MYO16: variants seen among roughly 807,000 people sequenced by gnomAD.
MYO16 encodes the protein myosin XVI, also known as unconventional myosin-XVI.
MYO16 carries 94 observed loss-of-function variants against 205.3 expected under a neutral mutation model. The observed-to-expected ratio is 0.46, with a 90% CI of 0.39 to 0.54. The LOEUF is 0.54. MYO16 is among the 20% of genes least tolerant of loss of function. The pLI, the probability that MYO16 is intolerant of heterozygous loss-of-function variation, is 0.00. For synonymous variants in MYO16, 988 were observed against 954.0 expected (o/e 1.04, Z -0.66); for missense variants, 2,315 against 2,387.5 (o/e 0.97, Z 0.63).
intron 27 of MYO16, among the ~76,000 whole-genome samples, chr13:109,085,868 A>G (rs1888423239): frequency 6.6e-6 from 1 of 152,186 alleles, no homozygotes; most frequent in Non-Finnish European, 1.5e-5. Flanking sequence ...AGATCCATAC[A>G]CTATGGAAAC....
the MYO16 span, among the ~76,000 whole-genome samples, chr13:108,498,602 T>G: frequency 6.1e-3 from 932 of 152,278 alleles, 3 homozygotes; most frequent in African/African-American, 0.02. Flanking sequence ...AGAGTGAGCA[T>G]GTGAAGAGAT....
At chr13:108,524,850 T>G in the MYO16 span, among the ~76,000 whole-genome samples, 13 of 152,212 alleles carry the variant, frequency 8.5e-5, no homozygotes, top group African/African-American at 3.1e-4. Context: ...AATTTGGATA[T>G]GCAGGTTTGT....
At chr13:108,902,729 C>T (rs1337013398) in intron 15 of MYO16, among the ~76,000 whole-genome samples, 1 of 152,152 alleles carries the variant, frequency 6.6e-6, no homozygotes, top group Non-Finnish European at 1.5e-5. Flanking sequence ...TGTGCCTCTT[C>T]TCTTCTCCAA....
chr13:108,593,348 A>G (rs1451103645), upstream of MYO16, among the ~76,000 whole-genome samples: 1 of 152,128 alleles, frequency 6.6e-6, no homozygotes, highest in Admixed American at 6.5e-5. Flanking sequence ...GAGTTGGGTC[A>G]ATCCAACAGA....
chr13:108,588,744 T>A, the MYO16 span, among the ~76,000 whole-genome samples: 1 of 152,178 alleles, frequency 6.6e-6, no homozygotes, highest in Non-Finnish European at 1.5e-5. Context: ...ACATACACTG[T>A]TAGTGAGAGG....
At chr13:108,808,318 C>T (rs1462355099) in intron 7 of MYO16, among the ~76,000 whole-genome samples, 1 of 149,496 alleles carries the variant, frequency 6.7e-6, no homozygotes, top group African/African-American at 2.5e-5. Context: ...TTTTAATGAA[C>T]CTTCTTTTTT....
intron 28 of MYO16, among the ~76,000 whole-genome samples, chr13:109,118,745 C>T (rs545162370): frequency 6.6e-6 from 1 of 152,126 alleles, no homozygotes; most frequent in South Asian, 2.1e-4. Flanking sequence ...AACTGTTCTT[C>T]CTGTCGACTG....
rs1029503042 is a variant in MYO16, at chr13:109,050,050, C to T, written c.2873-2250C>T. Among the ~76,000 whole-genome samples, 7 of 151,326 alleles carry T rather than the reference C, an allele frequency of 4.6e-5. No individual in the cohort carries two copies. In the East Asian group the frequency reaches 1.2e-3, roughly 25 times the overall value. On this transcript the variant is annotated intron_variant, in intron 24 of 34. Transcript: ENST00000457511. Reference sequence around the variant, plus strand: ...AAATAGTTTGGTGCCCACCCTGAGACGGGACATTATCTTACATAACTTCAG... The same window carrying T: ...AAATAGTTTGGTGCCCACCCTGAGATGGGACATTATCTTACATAACTTCAG...
chr13:108,760,754 A>G (rs1477616286), intron 4 of MYO16, among the ~76,000 whole-genome samples: 1 of 152,172 alleles, frequency 6.6e-6, no homozygotes, highest in Non-Finnish European at 1.5e-5. Flanking sequence ...GGGGAAGAGG[A>G]AGGAGGAGGT....
At chr13:108,986,112 T>G (rs1884623379) in intron 20 of MYO16, among the ~76,000 whole-genome samples, 1 of 152,120 alleles carries the variant, frequency 6.6e-6, no homozygotes, top group South Asian at 2.1e-4. Context: ...CTCGTGAGAC[T>G]TATTCACTAT....
chr13:108,813,962 T>A (rs1051042774), intron 7 of MYO16, among the ~76,000 whole-genome samples: 1 of 152,178 alleles, frequency 6.6e-6, no homozygotes, highest in Admixed American at 6.5e-5. Context: ...ATAGGAAATA[T>A]TGACTTTACG....
rs762863886 is a variant in MYO16 at position 108,866,279 on chromosome 13, G to A, written c.1425+37G>A. The A allele has an allele frequency of 6.7e-6, 9 of 1,352,958 alleles. No homozygotes were observed. In the Admixed American group the frequency reaches 1.5e-4, roughly 22 times the overall value. The allele number at this position is 1,352,958 out of a possible 1,614,324, so 83.8% of individuals were successfully genotyped here. A position where few individuals can be genotyped will look rare whatever the true frequency, so the allele number is the denominator to read the frequency against. On this transcript the variant is annotated intron_variant, in intron 12 of 34. Transcript: ENST00000457511. ...ATTTTAAATATCATTGAATAATGTA[G>A]AGTAATACTTTCTAGTCATACATGT...
intron 11 of MYO16, among the ~76,000 whole-genome samples, chr13:108,858,213 G>C (rs184799113): frequency 6.6e-6 from 1 of 152,252 alleles, no homozygotes; most frequent in Non-Finnish European, 1.5e-5. Flanking sequence ...CTATCTGTTG[G>C]AGTTAATAAG....
chr13:108,823,335 A>G (rs1876085564), intron 9 of MYO16, 57 bp downstream of exon 9: 1 of 1,509,572 alleles, frequency 6.6e-7, no homozygotes, highest in Non-Finnish European at 9.0e-7. Flanking sequence ...TGGTCATTTT[A>G]GAGCCCATAT....
At chr13:108,604,801 T>G (rs550041277) in intron 1 of MYO16, among the ~76,000 whole-genome samples, 1 of 152,324 alleles carries the variant, frequency 6.6e-6, no homozygotes, top group African/African-American at 2.4e-5. Flanking sequence ...CTCACTACGT[T>G]GTCAGCCTTA....
chr13:109,089,475 A>G (rs540594032), intron 27 of MYO16, among the ~76,000 whole-genome samples: 1 of 152,198 alleles, frequency 6.6e-6, no homozygotes, highest in African/African-American at 2.4e-5. Flanking sequence ...TCAGCCTCCC[A>G]AAGTGCTGGG....
chr13:109,054,955 C>T, intron 25 of MYO16, 91 bp from the exon 26 acceptor site: 1 of 688,722 alleles, frequency 1.5e-6, no homozygotes, highest in South Asian at 2.2e-5. Context: ...CCCTCCCTTC[C>T]CTTCCCCTTC....
At chr13:108,516,407 C>G in the MYO16 span, among the ~76,000 whole-genome samples, 1 of 152,098 alleles carries the variant, frequency 6.6e-6, no homozygotes, top group Non-Finnish European at 1.5e-5. Flanking sequence ...CCCAGTACCT[C>G]AGATGGAAAT....
At chr13:108,991,864 A>G (rs1452670707) in intron 20 of MYO16, among the ~76,000 whole-genome samples, 1 of 152,230 alleles carries the variant, frequency 6.6e-6, no homozygotes, top group East Asian at 1.9e-4. Flanking sequence ...TAAATCACCC[A>G]CATAGTGTTA....
Sources: gnomAD v4.1 joint callset for allele counts (sites outside exome capture counted in the v4.1 genomes callset) on GRCh38, gnomAD v4.1.1 for gene constraint, MANE v1.5 for transcripts, NCBI Gene and HGNC (gene_info 2026-07-23, HGNC 2026-07-21) for gene names.